Variants in MICU3 observed in about 807,000 individuals in gnomAD.
The protein encoded by MICU3 is mitochondrial calcium uptake 3, also known as calcium uptake protein 3, mitochondrial.
MICU3 carries 62 observed loss-of-function variants against 66.5 expected under a neutral mutation model. The ratio of observed to expected loss-of-function variants is 0.93; its 90% confidence interval spans 0.76 to 1.15. MICU3 has a LOEUF of 1.15. Among genes scored for constraint, MICU3 ranks in the 50% most tolerant of loss-of-function variants. MICU3 has a pLI of 0.00. For synonymous variants in MICU3, 308 were observed against 240.7 expected, an observed-to-expected ratio of 1.28 and a Z score of -2.59; for missense variants, 779 against 664.4, an observed-to-expected ratio of 1.17 and a Z score of -1.90.
the MICU3 span, among the ~76,000 whole-genome samples, chr8:17,127,978 C>T: frequency 4.7e-4 from 72 of 152,264 alleles, no homozygotes; most frequent in Non-Finnish European, 8.4e-4. Context: ...TGCTAGAAAT[C>T]ACCAGGAACC....
chr8:17,036,890 G>C (rs1033456976), intron 1 of MICU3, among the ~76,000 whole-genome samples: 13 of 152,236 alleles, frequency 8.5e-5, no homozygotes, highest in Admixed American at 5.9e-4. Flanking sequence ...GGGGAGGCTT[G>C]GGCCGCACAG....
At chr8:17,027,732 G>A in intron 1 of MICU3, 72 bp downstream of exon 1, 1 of 1,255,200 alleles carries the variant, frequency 8.0e-7, no homozygotes, top group African/African-American at 1.5e-5. Flanking sequence ...GGACCCTGGA[G>A]GCTGTGGGGA....
Position 17,107,610 on chromosome 8 carries a change from T to C in MICU3, c.1257+2026T>C, listed in dbSNP as rs569452596. 2.6e-5 allele frequency among the ~76,000 whole-genome samples: 4 copies of C among 152,236 alleles called. No homozygotes were observed. The South Asian group carries it at 8.3e-4, about 32-fold the overall frequency. On this transcript the variant is annotated intron_variant, in intron 11 of 14. Transcript: ENST00000318063. ...CTGCACCTATTTTTGTAAGTAAAAT[T>C]GTATTGGAACACAGCCATTCTCATT... is the stretch of plus-strand genomic sequence containing the variant.
intron 4 of MICU3, among the ~76,000 whole-genome samples, chr8:17,078,900 G>C (rs1378254425): frequency 6.6e-6 from 1 of 152,046 alleles, no homozygotes; most frequent in Non-Finnish European, 1.5e-5. Context: ...TTGTCTTAAA[G>C]ATTGCCATTC....
At chr8:17,094,881 A>G (rs530296244) in intron 8 of MICU3, among the ~76,000 whole-genome samples, 19 of 152,088 alleles carry the variant, frequency 1.2e-4, no homozygotes, top group African/African-American at 4.3e-4. Flanking sequence ...TCATTCTTCT[A>G]TGCCTCTTAA....
intron 1 of MICU3, among the ~76,000 whole-genome samples, chr8:17,042,931 AT>A (rs996846253): frequency 2.3e-3 from 190 of 82,134 alleles, no homozygotes; most frequent in East Asian, 7.2e-3. Context: ...ATTCAAAGTG[AT>A]TTTTTTTTTT....
At chr8:17,108,388 T>C (rs1376333249) in intron 11 of MICU3, among the ~76,000 whole-genome samples, 1 of 152,200 alleles carries the variant, frequency 6.6e-6, no homozygotes, top group Admixed American at 6.5e-5. Context: ...ATGTACTGCC[T>C]ACTCAGCATC....
At chr8:17,109,758 A>G (rs1328412243) in intron 11 of MICU3, among the ~76,000 whole-genome samples, 3 of 152,210 alleles carry the variant, frequency 2.0e-5, no homozygotes, top group African/African-American at 2.4e-5. Flanking sequence ...AAAATTTTTA[A>G]AATGCCATGG....
rs949718654 is a variant in MICU3 at position 17,056,120 on chromosome 8, C to T, written c.382-7964C>T. ...TGTGATTTAGCCCCAGTCTTCTATC[C>T]GAATCCCCTGTTTCAGATTCCTATC... On this transcript the variant is annotated intron_variant, in intron 1 of 14. Coordinates refer to ENST00000318063, the MANE Select transcript of MICU3 (RefSeq NM_181723.3). Among the ~76,000 whole-genome samples, 8 of 152,112 alleles carry T rather than the reference C, an allele frequency of 5.3e-5. 1 individual carries two copies. The highest frequency in any genetic ancestry group is 2.1e-4 in the South Asian group (1 of 4,814).
At chr8:17,123,161 T>A (rs1803303484), downstream of MICU3, among the ~76,000 whole-genome samples, 1 of 152,112 alleles carries the variant, frequency 6.6e-6, no homozygotes, top group African/African-American at 2.4e-5. Context: ...CATTTTTAAT[T>A]TCTTAGTAGT....
intron 1 of MICU3, among the ~76,000 whole-genome samples, chr8:17,047,790 A>G (rs1237304726): frequency 6.6e-6 from 1 of 152,254 alleles, no homozygotes; most frequent in Non-Finnish European, 1.5e-5. Flanking sequence ...GTATCAGATC[A>G]TCATTGAAAG....
At chr8:17,109,682 T>G (rs954128280) in intron 11 of MICU3, among the ~76,000 whole-genome samples, 2 of 152,134 alleles carry the variant, frequency 1.3e-5, no homozygotes, top group Non-Finnish European at 2.9e-5. Flanking sequence ...GAAGGGACAT[T>G]TTGTGCTATA....
chr8:17,080,319 A>G (rs1195906312), intron 4 of MICU3, among the ~76,000 whole-genome samples: 3 of 152,194 alleles, frequency 2.0e-5, no homozygotes, highest in East Asian at 3.9e-4. Context: ...AACGCCTACC[A>G]TGATATTCAT....
intron 7 of MICU3, among the ~76,000 whole-genome samples, chr8:17,087,680 C>A (rs959904581): frequency 2.0e-5 from 3 of 152,000 alleles, no homozygotes; most frequent in African/African-American, 7.2e-5. Flanking sequence ...CTGATTTAAG[C>A]TACCCAACAA....
chr8:17,072,128 G>A (rs1819677610), intron 3 of MICU3, among the ~76,000 whole-genome samples: 1 of 151,938 alleles, frequency 6.6e-6, no homozygotes, highest in African/African-American at 2.4e-5. Context: ...TGAGAATAAT[G>A]GGGTTGATCA....
At position 17,100,517 on chromosome 8, in the gene MICU3, G is replaced by A. The variant is rs552892861; in HGVS notation, c.984+1964G>A. On this transcript the variant is annotated intron_variant, in intron 9 of 14. Transcript: ENST00000318063. ...CTTATAGGTTACTGTGAATACCAGC[G>A]GAACACAGAATTGTTTATAGTATTA... Among the ~76,000 whole-genome samples, 6 of 151,560 alleles carry A rather than the reference G, an allele frequency of 4.0e-5. No homozygotes were observed. The East Asian group carries it at 5.8e-4, about 15-fold the overall frequency.
At chr8:17,105,266 C>T (rs983729791) in intron 10 of MICU3, 147 bp from the exon 11 acceptor site, 24 of 545,878 alleles carry the variant, frequency 4.4e-5, no homozygotes, top group African/African-American at 2.8e-4. Context: ...TTTTCATTCT[C>T]ATTTACAGGG....
At chr8:17,040,163 C>G (rs902332843) in intron 1 of MICU3, among the ~76,000 whole-genome samples, 1 of 152,102 alleles carries the variant, frequency 6.6e-6, no homozygotes, top group Non-Finnish European at 1.5e-5. Flanking sequence ...CCACCTCGGC[C>G]TCCCGAAGTG....
Position 17,027,349 on chromosome 8 carries a change from C to T in MICU3, c.70C>T (p.Leu24Phe), listed in dbSNP as rs756560810. ...TCCTCCACTCTGCGCTCACCAGCCC[C>T]TCCTTGGGCCGTGGGGGCGGCCTGC... The part of the protein sequence containing the change: ...VSPPLCAHQP[L>F]LGPWGRPAVT... The change falls in exon 1 of 15, where the codon CTC (leucine) becomes TTC (phenylalanine). Residue 24 changes from leucine (L) to phenylalanine (F), a missense_variant. By Grantham distance (22) the Leu-to-Phe change is conservative. Coordinates refer to ENST00000318063, the MANE Select transcript of MICU3 (RefSeq NM_181723.3). 1 of 1,512,586 alleles carries T rather than the reference C, an allele frequency of 6.6e-7. No individual in the cohort carries two copies. The highest frequency in any genetic ancestry group is 1.3e-5 in the South Asian group (1 of 79,028). 93.7% of individuals were successfully genotyped at this position (1,512,586 alleles called of 1,614,324 possible). A position where few individuals can be genotyped will look rare whatever the true frequency, so the allele number is the denominator to read the frequency against.
Sources: gnomAD v4.1 joint callset for allele counts (sites outside exome capture counted in the v4.1 genomes callset) on GRCh38, gnomAD v4.1.1 for gene constraint, MANE v1.5 for transcripts, NCBI Gene and HGNC (gene_info 2026-07-23, HGNC 2026-07-21) for gene names.